Variants in GMEB1 observed in about 807,000 individuals in gnomAD.
GMEB1 encodes glucocorticoid modulatory element-binding protein 1.
GMEB1 carries 6 observed loss-of-function variants against 52.4 expected under a neutral mutation model. That is an observed-to-expected ratio of 0.11 (90% CI 0.06 to 0.23). GMEB1 has a LOEUF of 0.23. GMEB1 is among the 10% of genes least tolerant of loss of function. The probability of loss-of-function intolerance (pLI) is 1.00; values close to 1 mark genes in which losing one functional copy is unlikely to be tolerated. For synonymous variants in GMEB1, 255 were observed against 244.9 expected, an observed-to-expected ratio of 1.04 and a Z score of -0.38; for missense variants, 486 against 685.6, an observed-to-expected ratio of 0.71 and a Z score of 3.25.
At position 28,687,381 on chromosome 1, in the gene GMEB1, C is replaced by CA. The variant is rs1157094477; in HGVS notation, c.129-2722dup. 6.3e-3 allele frequency among the ~76,000 whole-genome samples: 170 copies of CA among 27,154 alleles called. 34 individuals carry two copies. Among genetic ancestry groups the CA allele is most frequent in the African/African-American group, 0.02 (161 of 8,010 alleles). 17.8% of individuals were successfully genotyped at this position (27,154 alleles called of 152,430 possible). ...ACACACACACACACACACACACACA[C>CA]ACACACAAAAAAAGACAGTGGAGAA... On this transcript the variant is annotated intron_variant, in intron 2 of 9. Coordinates refer to ENST00000373816, the MANE Select transcript of GMEB1 (RefSeq NM_001319674.2).
chr1:28,675,952 C>A (rs966438322), intron 1 of GMEB1, among the ~76,000 whole-genome samples: 4 of 152,144 alleles, frequency 2.6e-5, no homozygotes, highest in African/African-American at 7.2e-5. Context: ...AAACTTGCTT[C>A]TCTAAAGAAG....
chr1:28,701,103 G>A (rs1018906733), intron 6 of GMEB1, among the ~76,000 whole-genome samples: 4 of 152,158 alleles, frequency 2.6e-5, no homozygotes, highest in East Asian at 1.9e-4. Flanking sequence ...AATCCCTCAT[G>A]TATACTGAGG....
At chr1:28,690,208 T>TGG in intron 3 of GMEB1, 22 bp downstream of exon 3, 1 of 1,028,060 alleles carries the variant, frequency 9.7e-7, no homozygotes, top group South Asian at 1.5e-5. Context: ...TTTGTGTTTT[T>TGG]TTTTTTTTTT....
chr1:28,712,854 A>G (rs1049335644), intron 9 of GMEB1, among the ~76,000 whole-genome samples: 3 of 149,742 alleles, frequency 2.0e-5, no homozygotes, highest in African/African-American at 7.4e-5. Flanking sequence ...AGAGATATAA[A>G]GACATTTACC....
rs879676470 is a variant in GMEB1 at position 28,678,189 on chromosome 1, C to CA, written c.-30-5380dup. 5.5e-3 allele frequency among the ~76,000 whole-genome samples: 537 copies of CA among 97,520 alleles called. 2 individuals carry two copies. The highest frequency in any genetic ancestry group is 0.015 in the African/African-American group (397 of 26,152). The allele number at this position is 97,520 out of a possible 152,430, so 64.0% of individuals were successfully genotyped here. On this transcript the variant is annotated intron_variant, in intron 1 of 9. Coordinates refer to ENST00000373816, the MANE Select transcript of GMEB1 (RefSeq NM_001319674.2). ...GGGGTATAAGAGTGAGACTTCGTCT[C>CA]AAAAAAAAAAAAAAGAAAGGAGAAG... is the stretch of plus-strand genomic sequence containing the variant.
rs1201227379 is a variant in GMEB1, at chr1:28,714,888, AAAATCTT to A, written c.*117_*123del. 2 of 748,440 alleles carry A rather than the reference AAAATCTT, an allele frequency of 2.7e-6. No homozygotes were observed. The highest frequency in any genetic ancestry group is 4.2e-6 in the Non-Finnish European group (2 of 473,214). The allele number at this position is 748,440 out of a possible 1,614,324, so 46.4% of individuals were successfully genotyped here. A position where few individuals can be genotyped will look rare whatever the true frequency, so the allele number is the denominator to read the frequency against. ...GACCCTTTTTTAAAAAAAAAAAAAC[AAAATCTT>A]ATTGTTGTAACTGAAAATGTTGGGT... On this transcript the variant is annotated 3_prime_UTR_variant, in exon 10 of 10. Coordinates refer to ENST00000373816, the MANE Select transcript of GMEB1 (RefSeq NM_001319674.2).
At chr1:28,685,904 A>G (rs968001239) in intron 2 of GMEB1, among the ~76,000 whole-genome samples, 2 of 152,166 alleles carry the variant, frequency 1.3e-5, no homozygotes, top group African/African-American at 4.8e-5. Context: ...AGTTGCAGTG[A>G]GCCGAGATTG....
intron 1 of GMEB1, among the ~76,000 whole-genome samples, chr1:28,672,616 G>T (rs1318971315): frequency 6.6e-6 from 1 of 151,686 alleles, no homozygotes; most frequent in African/African-American, 2.4e-5. Flanking sequence ...CAACGTGCAG[G>T]TTTGTTACAT....
chr1:28,713,668 A>G (rs903376392), intron 9 of GMEB1, among the ~76,000 whole-genome samples: 2 of 152,228 alleles, frequency 1.3e-5, no homozygotes, highest in African/African-American at 2.4e-5. Context: ...GCAGCAAGGC[A>G]TTCTTGCCTT....
intron 8 of GMEB1, among the ~76,000 whole-genome samples, chr1:28,708,299 G>C (rs1670875046): frequency 6.6e-6 from 1 of 151,946 alleles, no homozygotes. Flanking sequence ...CGAGTAGCTG[G>C]TACTACAGGT....
Position 28,712,417 on chromosome 1 carries a change from G to C in GMEB1, c.992-1656G>C, listed in dbSNP as rs756679793. ...CTCTCTCCACTCCTTGGAGGTTCGG[G>C]GGGAGGGCTGAAAGTCCTAGTCTTT... On this transcript the variant is annotated intron_variant, in intron 9 of 9. Coordinates refer to ENST00000373816, the MANE Select transcript of GMEB1 (RefSeq NM_001319674.2). Among the ~76,000 whole-genome samples the C allele has an allele frequency of 5.5e-4, 84 of 152,262 alleles. 1 individual carries two copies. Among genetic ancestry groups the C allele is most frequent in the Middle Eastern group, 3.4e-3 (1 of 292 alleles).
intron 2 of GMEB1, among the ~76,000 whole-genome samples, chr1:28,689,094 T>G (rs1031285566): frequency 7.2e-5 from 11 of 151,906 alleles, no homozygotes; most frequent in African/African-American, 2.7e-4. Flanking sequence ...TTCACCATGT[T>G]GGTTAGGCTG....
At chr1:28,691,513 G>A in intron 3 of GMEB1, 72 bp from the exon 4 acceptor site, 2 of 1,130,054 alleles carry the variant, frequency 1.8e-6, no homozygotes, top group Non-Finnish European at 2.5e-6. Flanking sequence ...GGAACCAGGA[G>A]ACTAGAGATT....
chr1:28,700,239 G>T (rs894110395), intron 6 of GMEB1, among the ~76,000 whole-genome samples: 1 of 151,650 alleles, frequency 6.6e-6, no homozygotes, highest in Non-Finnish European at 1.5e-5. Flanking sequence ...ATGGCTGGGC[G>T]CGGTGGCTCA....
In GMEB1 at chr1:28,690,182, G is replaced by A; in HGVS notation, c.207G>A (p.Gly69=). Residue 69 remains glycine (G), a synonymous_variant, in exon 3 of 10, where the codon GGG becomes GGA. Transcript: ENST00000373816. ...ETHTIHKIEE[G]IDTGTIEANE... is the part of the protein sequence containing the mutation. ...ACACGATACACAAAATTGAAGAAGG[G>A]ATTGGTAAGGGTTTTTTTGTGTTTT... The A allele has an allele frequency of 1.6e-6, 2 of 1,265,276 alleles. No homozygotes were observed. The highest frequency in any genetic ancestry group is 2.2e-6 in the Non-Finnish European group (2 of 889,576). 78.4% of individuals were successfully genotyped at this position (1,265,276 alleles called of 1,614,324 possible). A position where few individuals can be genotyped will look rare whatever the true frequency, so the allele number is the denominator to read the frequency against.
intron 1 of GMEB1, among the ~76,000 whole-genome samples, chr1:28,675,741 G>C (rs77261345): frequency 0.012 from 1,776 of 151,516 alleles, 11 homozygotes; most frequent in Non-Finnish European, 0.019. Flanking sequence ...AAGAATTCCA[G>C]AGAGAGTTGT....
chr1:28,673,489 T>G (rs1487179931), intron 1 of GMEB1, among the ~76,000 whole-genome samples: 1 of 148,852 alleles, frequency 6.7e-6, no homozygotes, highest in Non-Finnish European at 1.5e-5. Flanking sequence ...ACCCCTGACC[T>G]TGTGATCCAC....
At chr1:28,683,767 T>C (rs769546907) in intron 2 of GMEB1, 27 bp downstream of exon 2, 2 of 1,609,838 alleles carry the variant, frequency 1.2e-6, no homozygotes, top group Non-Finnish European at 1.7e-6. Flanking sequence ...TTGGGTATTC[T>C]GAAGTATTTT....
Position 28,709,973 on chromosome 1 carries a change from C to A in GMEB1, c.869-547C>A, listed in dbSNP as rs536290195. ...ACCAGCCTGGCCAATGTGGTGAAAC[C>A]CCATCTCTACTAAAACTACAAAAAT... On this transcript the variant is annotated intron_variant, in intron 8 of 9. Coordinates refer to ENST00000373816, the MANE Select transcript of GMEB1 (RefSeq NM_001319674.2). Among the ~76,000 whole-genome samples the A allele has an allele frequency of 3.3e-5, 5 of 151,852 alleles. No individual in the cohort carries two copies. The East Asian group carries it at 9.7e-4, about 29-fold the overall frequency.
Sources: gnomAD v4.1 joint callset for allele counts (sites outside exome capture counted in the v4.1 genomes callset) on GRCh38, gnomAD v4.1.1 for gene constraint, MANE v1.5 for transcripts, NCBI Gene and HGNC (gene_info 2026-07-23, HGNC 2026-07-21) for gene names.